Variants in ZCCHC14 observed in about 807,000 individuals in gnomAD.
ZCCHC14 encodes zinc finger CCHC-type containing 14.
ZCCHC14 carries 16 observed loss-of-function variants against 85.0 expected under a neutral mutation model. The ratio of observed to expected loss-of-function variants is 0.19; its 90% confidence interval spans 0.13 to 0.29. The LOEUF (loss-of-function observed/expected upper bound fraction) is 0.29, where lower values mean the gene tolerates loss of function less well. ZCCHC14 is among the 10% of genes least tolerant of loss of function. The pLI, the probability that ZCCHC14 is intolerant of heterozygous loss-of-function variation, is 1.00. For synonymous variants in ZCCHC14, 775 were observed against 630.7 expected, an observed-to-expected ratio of 1.23 and a Z score of -3.43; for missense variants, 1,303 against 1,443.5, an observed-to-expected ratio of 0.90 and a Z score of 1.58.
chr16:87,459,387 C>G (rs1354182280), intron 2 of ZCCHC14, among the ~76,000 whole-genome samples: 1 of 151,944 alleles, frequency 6.6e-6, no homozygotes, highest in African/African-American at 2.4e-5. Context: ...CTCTGTCACC[C>G]AGACTGGAGG....
chr16:87,431,487 A>AAAAAG (rs1259965009), intron 3 of ZCCHC14, among the ~76,000 whole-genome samples: 1 of 151,648 alleles, frequency 6.6e-6, no homozygotes, highest in Admixed American at 6.6e-5. Context: ...AAAAAAAAAA[A>AAAAAG]AAAAGAAAAG....
At position 87,412,508 on chromosome 16, in the gene ZCCHC14, G is replaced by A. The variant is rs149304285; in HGVS notation, c.2213C>T (p.Thr738Met). The A allele has an allele frequency of 3.7e-5, 60 of 1,614,034 alleles. No homozygotes were observed. Among genetic ancestry groups the A allele is most frequent in the Non-Finnish European group, 3.0e-5 (35 of 1,180,036 alleles). Reference sequence around the variant, plus strand: ...TGCTGTCTTCAGCACCCTGTCCAGCGTGGATGCATGCACGACTTTGGTCCG... The same window carrying A: ...TGCTGTCTTCAGCACCCTGTCCAGCATGGATGCATGCACGACTTTGGTCCG... The part of the protein sequence containing the change: ...GPRTKVVHAS[T>M]LDRVLKTAQQ... The change falls in exon 12 of 13, where the codon ACG (threonine) becomes ATG (methionine). Residue 738 changes from threonine to methionine, a missense_variant. Coordinates refer to ENST00000671377, the MANE Select transcript of ZCCHC14 (RefSeq NM_015144.3).
In ZCCHC14 at chr16:87,474,803, G is replaced by A. The variant is rs890301646; in HGVS notation, c.571-14672C>T. 2.0e-5 allele frequency among the ~76,000 whole-genome samples: 3 copies of A among 152,240 alleles called. No individual in the cohort carries two copies. In the South Asian group the frequency reaches 6.2e-4, roughly 32 times the overall value. ...AGAGCACCCTGGGAGGGGACAGCACGCTCTGCACATCAACTCTGTGTGAGC... is the reference window on the plus strand; with the variant it reads ...AGAGCACCCTGGGAGGGGACAGCACACTCTGCACATCAACTCTGTGTGAGC... On this transcript the variant is annotated intron_variant, in intron 1 of 12. Transcript: ENST00000671377.
chr16:87,410,657 G>A (rs909826968), intron 12 of ZCCHC14, among the ~76,000 whole-genome samples: 1 of 152,234 alleles, frequency 6.6e-6, no homozygotes, highest in Non-Finnish European at 1.5e-5. Context: ...GGGCAGGTGA[G>A]CGCTGGTGAG....
intron 1 of ZCCHC14, among the ~76,000 whole-genome samples, chr16:87,460,801 G>A (rs565647719): frequency 6.6e-6 from 1 of 152,194 alleles, no homozygotes; most frequent in Admixed American, 6.5e-5. Flanking sequence ...CCTATAAAAC[G>A]AATTACACAG....
intron 2 of ZCCHC14, among the ~76,000 whole-genome samples, chr16:87,458,317 C>A (rs1392423550): frequency 2.0e-5 from 3 of 152,122 alleles, no homozygotes; most frequent in African/African-American, 7.2e-5. Flanking sequence ...GGACTCCCTG[C>A]AATTCCGACG....
At chr16:87,474,742 C>T (rs914080642) in intron 1 of ZCCHC14, among the ~76,000 whole-genome samples, 5 of 152,264 alleles carry the variant, frequency 3.3e-5, no homozygotes, top group East Asian at 1.9e-4. Flanking sequence ...GGTAGATGAT[C>T]GCAGCTGGAA....
At chr16:87,462,198 ATC>A (rs1416808116) in intron 1 of ZCCHC14, among the ~76,000 whole-genome samples, 1 of 151,462 alleles carries the variant, frequency 6.6e-6, no homozygotes, top group African/African-American at 2.4e-5. Flanking sequence ...ATAACATGTT[ATC>A]AAGAAAATAA....
chr16:87,446,079 A>G (rs1397165368), intron 2 of ZCCHC14, among the ~76,000 whole-genome samples: 1 of 151,852 alleles, frequency 6.6e-6, no homozygotes, highest in Non-Finnish European at 1.5e-5. Context: ...AGGCAGAAGA[A>G]TCACTTAAAC....
chr16:87,456,575 G>C (rs1392815745), intron 2 of ZCCHC14, among the ~76,000 whole-genome samples: 1 of 138,276 alleles, frequency 7.2e-6, no homozygotes, highest in Non-Finnish European at 1.6e-5. Context: ...TTAGATTTTA[G>C]GTGAATTCTT....
At chr16:87,482,213 C>T (rs1912312257) in intron 1 of ZCCHC14, among the ~76,000 whole-genome samples, 1 of 152,214 alleles carries the variant, frequency 6.6e-6, no homozygotes, top group South Asian at 2.1e-4. Flanking sequence ...TGGGAACCTT[C>T]ACTGGGAGCT....
chr16:87,463,843 CAG>C (rs1223166594), intron 1 of ZCCHC14, among the ~76,000 whole-genome samples: 14 of 152,016 alleles, frequency 9.2e-5, no homozygotes, highest in Non-Finnish European at 2.1e-4. Flanking sequence ...AAAAAACAAA[CAG>C]AGTCTCTTCT....
chr16:87,415,018 G>A (rs1195935813), intron 9 of ZCCHC14, among the ~76,000 whole-genome samples: 1 of 152,188 alleles, frequency 6.6e-6, no homozygotes, highest in Non-Finnish European at 1.5e-5. Context: ...AGAGGCAGAG[G>A]TTGCAGTGAG....
Position 87,491,696 on chromosome 16 carries a change from C to A in ZCCHC14, c.543G>T (p.Ala181=). 2 of 1,438,272 alleles carry A rather than the reference C, an allele frequency of 1.4e-6. No homozygotes were observed. Among genetic ancestry groups the A allele is most frequent in the South Asian group, 1.5e-5 (1 of 68,274 alleles). The allele number at this position is 1,438,272 out of a possible 1,614,324, so 89.1% of individuals were successfully genotyped here. A position where few individuals can be genotyped will look rare whatever the true frequency, so the allele number is the denominator to read the frequency against. ...GGKGAPGPGG[A]LPTCPACHKI... Reference sequence around the variant, plus strand: ...TGTGGCAGGCTGGGCAAGTGGGCAGCGCGCCGCCCGGCCCGGGCGCGCCCT... The same window carrying A: ...TGTGGCAGGCTGGGCAAGTGGGCAGAGCGCCGCCCGGCCCGGGCGCGCCCT... Residue 181 remains alanine, a synonymous_variant, in exon 1 of 13, where the codon GCG becomes GCT. Transcript: ENST00000671377. The surrounding 1 kb of genome is among the most constrained non-coding windows in gnomAD (Gnocchi z 5.9).
chr16:87,450,895 C>A (rs1910666157), intron 2 of ZCCHC14, among the ~76,000 whole-genome samples: 1 of 151,242 alleles, frequency 6.6e-6, no homozygotes, highest in Non-Finnish European at 1.5e-5. Flanking sequence ...GAAGTGAACA[C>A]CTTTTCCTTT....
At chr16:87,443,937 T>G (rs932055450) in intron 2 of ZCCHC14, among the ~76,000 whole-genome samples, 1 of 147,956 alleles carries the variant, frequency 6.8e-6, no homozygotes, top group Admixed American at 6.9e-5. Context: ...CTCAGGAGGC[T>G]GAGGCATGAG....
Position 87,420,205 on chromosome 16 carries a change from G to A in ZCCHC14, c.951-328C>T, listed in dbSNP as rs907683233. On this transcript the variant is annotated intron_variant, in intron 5 of 12. Coordinates refer to ENST00000671377, the MANE Select transcript of ZCCHC14 (RefSeq NM_015144.3). The surrounding 1 kb of genome is among the most constrained non-coding windows in gnomAD (Gnocchi z 5.0). ...AGGGCCCCGGCAGCAGCACATTTACGGAACTGGTCGGCCATGTTACTTCGT... is the reference window on the plus strand; with the variant it reads ...AGGGCCCCGGCAGCAGCACATTTACAGAACTGGTCGGCCATGTTACTTCGT... 1.8e-4 allele frequency among the ~76,000 whole-genome samples: 27 copies of A among 152,228 alleles called. No homozygotes were observed. Among genetic ancestry groups the A allele is most frequent in the Admixed American group, 1.5e-3 (23 of 15,280 alleles).
intron 4 of ZCCHC14, among the ~76,000 whole-genome samples, chr16:87,421,465 G>A (rs1193090901): frequency 2.6e-5 from 4 of 152,122 alleles, no homozygotes; most frequent in East Asian, 1.9e-4. Context: ...AGCTCCTGCC[G>A]GGGAGGGCAA....
intron 2 of ZCCHC14, among the ~76,000 whole-genome samples, chr16:87,445,440 T>C (rs1910390397): frequency 6.6e-6 from 1 of 152,198 alleles, no homozygotes; most frequent in Non-Finnish European, 1.5e-5. Flanking sequence ...TGTCTGTCAG[T>C]GCTTATTTTT....
Sources: gnomAD v4.1 joint callset for allele counts (sites outside exome capture counted in the v4.1 genomes callset) on GRCh38, gnomAD v4.1.1 for gene constraint, Gnocchi (gnomAD v3.1) non-coding constraint, MANE v1.5 for transcripts, NCBI Gene and HGNC (gene_info 2026-07-23, HGNC 2026-07-21) for gene names.